The following TXNL1 variants were observed in gnomAD, a reference collection of about 807,000 sequenced individuals.
TXNL1 encodes thioredoxin-like protein 1.
TXNL1 carries 14 observed loss-of-function variants against 35.5 expected under a neutral mutation model. That is an observed-to-expected ratio of 0.39 (90% CI 0.26 to 0.62). The LOEUF (loss-of-function observed/expected upper bound fraction) is 0.62, where lower values mean the gene tolerates loss of function less well. Among genes scored for constraint, TXNL1 ranks in the 20% least tolerant of loss-of-function variants. The pLI is 0.47. For synonymous variants in TXNL1, 110 were observed against 115.5 expected, an observed-to-expected ratio of 0.95 and a Z score of 0.31; for missense variants, 263 against 349.7, an observed-to-expected ratio of 0.75 and a Z score of 1.98.
intron 6 of TXNL1, among the ~76,000 whole-genome samples, chr18:56,611,835 C>G (rs2023997244): frequency 7.7e-6 from 1 of 130,264 alleles, no homozygotes; most frequent in Admixed American, 8.6e-5. Flanking sequence ...CCCACCAGCA[C>G]ACCCGGCTAA....
chr18:56,607,571 C>T (rs2023920810), intron 7 of TXNL1, among the ~76,000 whole-genome samples: 1 of 152,064 alleles, frequency 6.6e-6, no homozygotes, highest in African/African-American at 2.4e-5. Context: ...CGATTAAACC[C>T]ATTGTAAAGA....
chr18:56,605,057 A>C (rs1308294422), intron 7 of TXNL1: 1 of 151,786 alleles, frequency 6.6e-6, no homozygotes, highest in African/African-American at 2.4e-5. Flanking sequence ...GCTAGTGAGC[A>C]ACACGGTATG....
intron 5 of TXNL1, among the ~76,000 whole-genome samples, chr18:56,615,473 G>GGC: frequency 6.7e-6 from 1 of 149,490 alleles, no homozygotes; most frequent in South Asian, 2.1e-4. Context: ...GAAAAAATGG[G>GGC]GGGGGGCAAA....
At chr18:56,625,868 T>C (rs961210109) in intron 2 of TXNL1, among the ~76,000 whole-genome samples, 1 of 152,140 alleles carries the variant, frequency 6.6e-6, no homozygotes, top group African/African-American at 2.4e-5. Flanking sequence ...AACTGCCACA[T>C]ACCATTCCAA....
At position 56,618,088 on chromosome 18, in the gene TXNL1, T is replaced by A. The variant is rs1406056072; in HGVS notation, c.408A>T (p.Glu136Asp). The change falls in exon 4 of 8, where the codon GAA becomes GAT. Residue 136 changes from glutamate to aspartate, a missense_variant. Glu to Asp is a conservative substitution (Grantham distance 45, BLOSUM62 2). Coordinates refer to ENST00000217515, the MANE Select transcript of TXNL1 (RefSeq NM_004786.3). Reference protein sequence around the residue: ...LMPFINKAGCECLNESDEHGF... With the variant: ...LMPFINKAGCDCLNESDEHGF... ...CATGCTCATCACTTTCATTAAGACA[T>A]TCACAACCAGCTTTGTTAATAAAAG... 1 of 1,613,844 alleles carries A rather than the reference T, an allele frequency of 6.2e-7. No individual in the cohort carries two copies. Among genetic ancestry groups the A allele is most frequent in the Non-Finnish European group, 8.5e-7 (1 of 1,179,942 alleles).
intron 3 of TXNL1, among the ~76,000 whole-genome samples, chr18:56,623,527 A>C (rs1459154573): frequency 6.6e-6 from 1 of 152,168 alleles, no homozygotes; most frequent in African/African-American, 2.4e-5. Flanking sequence ...CAGAGAAATT[A>C]AAAACTATAT....
chr18:56,630,408 C>T (rs1371146740), intron 1 of TXNL1, among the ~76,000 whole-genome samples: 2 of 152,128 alleles, frequency 1.3e-5, no homozygotes, highest in Non-Finnish European at 2.9e-5. Flanking sequence ...GGAGAAAATG[C>T]AACACTGAAA....
chr18:56,628,423 A>C (rs1184225274), intron 1 of TXNL1, among the ~76,000 whole-genome samples: 1 of 152,190 alleles, frequency 6.6e-6, no homozygotes, highest in Non-Finnish European at 1.5e-5. Context: ...CAAAAATCAG[A>C]AACAATTAAA....
Position 56,632,642 on chromosome 18 carries a change from T to C in TXNL1, c.98+5701A>G, listed in dbSNP as rs1455964670. On this transcript the variant is annotated intron_variant, in intron 1 of 7. Coordinates refer to ENST00000217515, the MANE Select transcript of TXNL1 (RefSeq NM_004786.3). ...ACTCTTGAAAGGTAGCCAGACAAACTACATAACTGTATGATTCTGTTTCTA... is the reference window on the plus strand; with the variant it reads ...ACTCTTGAAAGGTAGCCAGACAAACCACATAACTGTATGATTCTGTTTCTA... Among the ~76,000 whole-genome samples the C allele has an allele frequency of 2.6e-5, 4 of 152,204 alleles. No homozygotes were observed. In the East Asian group the frequency reaches 7.7e-4, roughly 29 times the overall value.
Position 56,602,961 on chromosome 18 carries a change from G to C in TXNL1, c.*66C>G. The C allele has an allele frequency of 6.6e-7, 1 of 1,522,734 alleles. No individual in the cohort carries two copies. Among genetic ancestry groups the C allele is most frequent in the South Asian group, 1.1e-5 (1 of 88,910 alleles). 94.3% of individuals were successfully genotyped at this position (1,522,734 alleles called of 1,614,324 possible). ...ATGAAACATTGACAGTCTCTGGCGA[G>C]AATCAAGCAATTATCCAGGAGCTGT... On this transcript the variant is annotated 3_prime_UTR_variant, in exon 8 of 8. Transcript: ENST00000217515.
Position 56,598,717 on chromosome 18 carries a change from G to T in TXNL1, c.*4310C>A, listed in dbSNP as rs554599794. On this transcript the variant is annotated 3_prime_UTR_variant, in exon 8 of 8. Transcript: ENST00000217515. ...GCCTAAAAAGCAGTGACAGCTGAGA[G>T]CAGGATACAGAAGATACTTATCCTT... is the stretch of plus-strand genomic sequence containing the variant. The T allele has an allele frequency of 6.6e-6, 1 of 152,328 alleles. No homozygotes were observed. The highest frequency in any genetic ancestry group is 2.1e-4 in the South Asian group (1 of 4,830). The allele number at this position is 152,328 out of a possible 1,614,324, so 9.4% of individuals were successfully genotyped here. A position where few individuals can be genotyped will look rare whatever the true frequency, so the allele number is the denominator to read the frequency against.
At chr18:56,612,606 G>C (rs904567679) in intron 6 of TXNL1, among the ~76,000 whole-genome samples, 1 of 151,962 alleles carries the variant, frequency 6.6e-6, no homozygotes, top group Non-Finnish European at 1.5e-5. Flanking sequence ...ACTCTTTAGT[G>C]CAAGTGATGC....
chr18:56,599,315 A>G lies in TXNL1; in HGVS notation c.*3712T>C, dbSNP rs1209340533. The G allele has an allele frequency of 6.6e-6, 1 of 152,072 alleles. No homozygotes were observed. Among genetic ancestry groups the G allele is most frequent in the African/African-American group, 2.4e-5 (1 of 41,426 alleles). 9.4% of individuals were successfully genotyped at this position (152,072 alleles called of 1,614,324 possible). On this transcript the variant is annotated 3_prime_UTR_variant, in exon 8 of 8. Transcript: ENST00000217515. ...AAAAACCTTATTGATCAAAAATAAA[A>G]CTTGAATTTTGAAACATGCTTAAAA...
intron 4 of TXNL1, among the ~76,000 whole-genome samples, chr18:56,617,413 A>G (rs2024106834): frequency 6.6e-6 from 1 of 152,346 alleles, no homozygotes; most frequent in Non-Finnish European, 1.5e-5. Flanking sequence ...ATGCAACTTT[A>G]TATTTTAGAA....
chr18:56,620,274 T>C (rs2024159640), intron 3 of TXNL1, among the ~76,000 whole-genome samples: 1 of 152,206 alleles, frequency 6.6e-6, no homozygotes, highest in Non-Finnish European at 1.5e-5. Flanking sequence ...CCCATGATGA[T>C]ATTATTGAAT....
chr18:56,609,339 C>T (rs1362954148), intron 7 of TXNL1: 2 of 152,158 alleles, frequency 1.3e-5, no homozygotes, highest in African/African-American at 4.8e-5. Flanking sequence ...CCCCCAAAAA[C>T]GTAGTTTGAC....
At chr18:56,633,398 G>C (rs1417556147) in intron 1 of TXNL1, among the ~76,000 whole-genome samples, 1 of 147,206 alleles carries the variant, frequency 6.8e-6, no homozygotes, top group Non-Finnish European at 1.5e-5. Flanking sequence ...AGTGAGCTGA[G>C]ATTGTGCCAC....
At chr18:56,619,668 A>C (rs896024157) in intron 3 of TXNL1, among the ~76,000 whole-genome samples, 2 of 152,028 alleles carry the variant, frequency 1.3e-5, no homozygotes, top group African/African-American at 4.8e-5. Context: ...GTGTCAGCAC[A>C]TGCCCATCTC....
intron 1 of TXNL1, 30 bp downstream of exon 1, chr18:56,638,313 G>C: frequency 6.3e-7 from 1 of 1,588,546 alleles, no homozygotes; most frequent in South Asian, 1.1e-5. Flanking sequence ...AGGACAGACG[G>C]GGACCCACAG....
Sources: allele counts gnomAD v4.1 joint callset (sites outside exome capture counted in the v4.1 genomes callset), GRCh38; gene constraint gnomAD v4.1.1; transcripts MANE v1.5; gene names NCBI Gene and HGNC (gene_info 2026-07-23, HGNC 2026-07-21).